Variants in SNX29 observed in about 807,000 individuals in gnomAD.
SNX29 encodes sorting nexin-29.
Under a neutral mutation model 102.1 loss-of-function variants are expected in SNX29, and 78 were observed. The observed-to-expected ratio is 0.76, with a 90% CI of 0.64 to 0.92. The LOEUF (loss-of-function observed/expected upper bound fraction) is 0.92. SNX29 is among the 40% of genes least tolerant of loss of function. The pLI, the probability that SNX29 is intolerant of heterozygous loss-of-function variation, is 0.00. For synonymous variants in SNX29, 580 were observed against 414.5 expected, an observed-to-expected ratio of 1.40 and a Z score of -4.85; for missense variants, 1,280 against 1,061.7, an observed-to-expected ratio of 1.21 and a Z score of -2.86.
intron 18 of SNX29, among the ~76,000 whole-genome samples, chr16:12,473,381 A>C (rs2087447998): frequency 6.6e-6 from 1 of 152,192 alleles, no homozygotes. Context: ...GTCTGACAGC[A>C]AGGAGACCTT....
At chr16:12,417,144 T>C (rs1325740521) in intron 18 of SNX29, among the ~76,000 whole-genome samples, 18 of 152,164 alleles carry the variant, frequency 1.2e-4, no homozygotes, top group Non-Finnish European at 2.1e-4. Flanking sequence ...TCAGGGGCGG[T>C]TTGCATTCTA....
At chr16:12,473,825 C>T (rs901040735) in intron 18 of SNX29, among the ~76,000 whole-genome samples, 1 of 152,112 alleles carries the variant, frequency 6.6e-6, no homozygotes, top group Admixed American at 6.5e-5. Flanking sequence ...ATGGCAACAT[C>T]AGGAAGTTAC....
At chr16:12,206,093 T>A (rs1039238205) in intron 14 of SNX29, among the ~76,000 whole-genome samples, 1 of 152,190 alleles carries the variant, frequency 6.6e-6, no homozygotes, top group South Asian at 2.1e-4. Context: ...AGCTGGATTC[T>A]CCTGATCGTG....
At chr16:12,478,671 C>T (rs548169180) in intron 19 of SNX29, among the ~76,000 whole-genome samples, 18 of 152,144 alleles carry the variant, frequency 1.2e-4, no homozygotes, top group African/African-American at 1.9e-4. Context: ...TTCAGCCAGG[C>T]GGCATCATGA....
intron 14 of SNX29, among the ~76,000 whole-genome samples, chr16:12,260,986 GGAGT>G (rs2078731149): frequency 6.6e-6 from 1 of 150,602 alleles, no homozygotes; most frequent in Non-Finnish European, 1.5e-5. Context: ...GCCCCCGGCT[GGAGT>G]GAGTGTTTGT....
At chr16:12,488,494 C>G (rs1438566610) in intron 19 of SNX29, among the ~76,000 whole-genome samples, 1 of 152,168 alleles carries the variant, frequency 6.6e-6, no homozygotes, top group Non-Finnish European at 1.5e-5. Flanking sequence ...AGAGCCTGGT[C>G]TTACTTGAGT....
chr16:12,345,042 C>T (rs1300214052), intron 15 of SNX29, among the ~76,000 whole-genome samples: 1 of 152,218 alleles, frequency 6.6e-6, no homozygotes, highest in East Asian at 1.9e-4. Context: ...GGCCTCTGCC[C>T]CTTTTTCCGC....
chr16:12,130,749 C>A (rs961633501), intron 13 of SNX29, among the ~76,000 whole-genome samples: 1 of 151,656 alleles, frequency 6.6e-6, no homozygotes, highest in Non-Finnish European at 1.5e-5. Flanking sequence ...TCTCTTTCTT[C>A]CTTAATGTGA....
chr16:12,536,978 TTAAAAAAA>T (rs1567669447), intron 20 of SNX29, among the ~76,000 whole-genome samples: 1 of 148,578 alleles, frequency 6.7e-6, no homozygotes, highest in African/African-American at 2.4e-5. Context: ...AGAACCCGTC[TTAAAAAAA>T]TAAAATAAAA....
At chr16:12,166,621 A>G (rs952933172) in intron 13 of SNX29, among the ~76,000 whole-genome samples, 1 of 152,204 alleles carries the variant, frequency 6.6e-6, no homozygotes, top group Non-Finnish European at 1.5e-5. Flanking sequence ...AGGTGGCTGG[A>G]CCAAGAAGGA....
chr16:12,337,258 T>C lies in SNX29; in HGVS notation c.1783-18905T>C, dbSNP rs78260512. On this transcript the variant is annotated intron_variant, in intron 15 of 20. Coordinates refer to ENST00000566228, the MANE Select transcript of SNX29 (RefSeq NM_032167.5). Reference sequence around the variant, plus strand: ...CAGTTGCTGGAGATAGGTATATTAATTTTTTTTTTTTACTTAGCTATATTG... The same window carrying C: ...CAGTTGCTGGAGATAGGTATATTAACTTTTTTTTTTTACTTAGCTATATTG... Among the ~76,000 whole-genome samples the C allele has an allele frequency of 8.6e-3, 1,272 of 147,398 alleles. 21 individuals carry two copies. Among genetic ancestry groups the C allele is most frequent in the African/African-American group, 0.029 (1,169 of 40,540 alleles).
intron 13 of SNX29, among the ~76,000 whole-genome samples, chr16:12,176,781 T>G (rs2076270356): frequency 6.6e-6 from 1 of 152,142 alleles, no homozygotes; most frequent in Non-Finnish European, 1.5e-5. Flanking sequence ...TGAAAGAGAT[T>G]GGCTACATCT....
intron 15 of SNX29, chr16:12,297,333 A>ATG (rs1251995540): frequency 6.6e-6 from 1 of 152,322 alleles, no homozygotes; most frequent in Admixed American, 6.5e-5. Flanking sequence ...TGCCAGTAGG[A>ATG]TGTACCACTT....
At chr16:12,133,660 C>T (rs1053362599) in intron 13 of SNX29, among the ~76,000 whole-genome samples, 5 of 152,054 alleles carry the variant, frequency 3.3e-5, no homozygotes, top group Non-Finnish European at 4.4e-5. Flanking sequence ...ATAAATAAAA[C>T]GAGAGACCAT....
chr16:12,088,042 G>T (rs1343162611), intron 11 of SNX29: 1 of 456,652 alleles, frequency 2.2e-6, no homozygotes, highest in East Asian at 7.0e-5. Flanking sequence ...TTCTGGCTTT[G>T]CTTGTGTCTC....
At chr16:12,079,105 C>T (rs768723653) in intron 11 of SNX29, among the ~76,000 whole-genome samples, 190 bp downstream of exon 11, 6 of 152,190 alleles carry the variant, frequency 3.9e-5, no homozygotes, top group African/African-American at 9.7e-5. Flanking sequence ...GGCGCTTGGG[C>T]GTGTGCGCGC....
chr16:12,555,531 TC>T (rs1404790497), intron 20 of SNX29, among the ~76,000 whole-genome samples: 3 of 151,490 alleles, frequency 2.0e-5, no homozygotes, highest in Non-Finnish European at 4.4e-5. Context: ...GCCCCTGCTC[TC>T]TGGGAGGTCA....
At chr16:12,559,535 C>G (rs1423292137) in intron 20 of SNX29, among the ~76,000 whole-genome samples, 3 of 151,836 alleles carry the variant, frequency 2.0e-5, no homozygotes, top group East Asian at 3.8e-4. Flanking sequence ...AAAAGCATCC[C>G]CACCCCCTAC....
chr16:12,567,410 G>T (rs376933264), intron 20 of SNX29, among the ~76,000 whole-genome samples: 2 of 152,216 alleles, frequency 1.3e-5, no homozygotes, highest in African/African-American at 2.4e-5. Flanking sequence ...TATTCAAATA[G>T]CGTATAGTAG....
Sources: allele counts gnomAD v4.1 joint callset (sites outside exome capture counted in the v4.1 genomes callset), GRCh38; gene constraint gnomAD v4.1.1; transcripts MANE v1.5; gene names NCBI Gene and HGNC (gene_info 2026-07-23, HGNC 2026-07-21).